FKBP1B: variants seen among roughly 807,000 people sequenced by gnomAD.
The protein encoded by FKBP1B is FKBP prolyl isomerase 1B.
Under a neutral mutation model 13.5 loss-of-function variants are expected in FKBP1B, and 4 were observed. The observed-to-expected ratio is 0.30, with a 90% CI of 0.15 to 0.68. The LOEUF (loss-of-function observed/expected upper bound fraction) is 0.68. Ranked by LOEUF, FKBP1B falls within the 30% of genes least tolerant of loss-of-function variation. FKBP1B has a pLI of 0.76. For missense variants in FKBP1B, 93 were observed against 136.2 expected (o/e 0.68, Z 1.58); for synonymous variants, 54 against 53.6 (o/e 1.01, Z -0.03).
At chr2:24,042,275 C>T in the FKBP1B span, among the ~76,000 whole-genome samples, 2 of 151,986 alleles carry the variant, frequency 1.3e-5, no homozygotes, top group Non-Finnish European at 2.9e-5. Flanking sequence ...CAGTGGCTCA[C>T]GCCTGTAATC....
chr2:24,060,936 G>A lies in FKBP1B; in HGVS notation c.198+10G>A. ...AGAGGGTGCAGCCCAGGTAGGATGAGGATTCGCATTAAAGGGGATCTGGGG... is the reference window on the plus strand; with the variant it reads ...AGAGGGTGCAGCCCAGGTAGGATGAAGATTCGCATTAAAGGGGATCTGGGG... On this transcript the variant is annotated intron_variant, in intron 3 of 3. Transcript: ENST00000380986. 2.5e-6 allele frequency: 4 copies of A among 1,603,430 alleles called. No homozygotes were observed. The highest frequency in any genetic ancestry group is 3.4e-6 in the Non-Finnish European group (4 of 1,170,438).
upstream of FKBP1B, among the ~76,000 whole-genome samples, chr2:24,048,958 G>A (rs752828479): frequency 6.6e-6 from 1 of 152,052 alleles, no homozygotes; most frequent in Non-Finnish European, 1.5e-5. Context: ...ATAAATGTGC[G>A]TCGAGCAGAA....
At position 24,063,471 on chromosome 2, in the gene FKBP1B, TCTC is replaced by T; in HGVS notation, c.*280_*282del. The stretch of plus-strand genomic sequence containing the variant: ...GCCTTTCCTGATGACAGAACACAGA[TCTC>T]TTGTTCGCACAATCTACACTGCCTT... On this transcript the variant is annotated 3_prime_UTR_variant, in exon 4 of 4. Transcript: ENST00000380986. 8.4e-6 allele frequency: 3 copies of T among 357,902 alleles called. No individual in the cohort carries two copies. Among genetic ancestry groups the T allele is most frequent in the South Asian group, 1.5e-4 (2 of 12,960 alleles). 22.2% of individuals were successfully genotyped at this position (357,902 alleles called of 1,614,324 possible). A position where few individuals can be genotyped will look rare whatever the true frequency, so the allele number is the denominator to read the frequency against.
chr2:24,051,925 T>TG (rs138730882), intron 1 of FKBP1B, among the ~76,000 whole-genome samples: 3,061 of 152,274 alleles, frequency 0.02, 113 homozygotes, highest in African/African-American at 0.07. Flanking sequence ...TCTGCCTACT[T>TG]GCAATATAAA....
chr2:24,059,522 A>T (rs79026576), intron 2 of FKBP1B, among the ~76,000 whole-genome samples: 20 of 152,234 alleles, frequency 1.3e-4, no homozygotes, highest in Non-Finnish European at 2.9e-4. Flanking sequence ...AAACCTTAGG[A>T]ACCTTATGCG....
At chr2:24,059,379 G>GC (rs1553320969) in intron 2 of FKBP1B, among the ~76,000 whole-genome samples, 45 of 151,966 alleles carry the variant, frequency 3.0e-4, no homozygotes, top group African/African-American at 9.7e-4. Context: ...ACCTGGGGGG[G>GC]GGTTCTGGTT....
chr2:24,057,839 A>G (rs538240409), intron 2 of FKBP1B, among the ~76,000 whole-genome samples: 7 of 151,992 alleles, frequency 4.6e-5, no homozygotes, highest in African/African-American at 1.7e-4. Context: ...CCTAATTTTG[A>G]TGAAGTCTGA....
chr2:24,061,002 C>T (rs766147246), intron 3 of FKBP1B, 76 bp downstream of exon 3: 87 of 1,046,418 alleles, frequency 8.3e-5, no homozygotes, highest in Non-Finnish European at 1.1e-4. Flanking sequence ...TCCACCTCCA[C>T]CTTCACCCAC....
chr2:24,054,000 G>A (rs370044499), intron 2 of FKBP1B, 51 bp downstream of exon 2: 2 of 1,564,544 alleles, frequency 1.3e-6, no homozygotes, highest in Non-Finnish European at 1.8e-6. Context: ...CCCAAGGCAG[G>A]GCTGTCCTCT....
At chr2:24,059,374 G>C (rs898596066) in intron 2 of FKBP1B, among the ~76,000 whole-genome samples, 4 of 146,036 alleles carry the variant, frequency 2.7e-5, no homozygotes, top group South Asian at 2.1e-4. Flanking sequence ...CCAGCACCTG[G>C]GGGGGGGTTC....
At chr2:24,042,339 C>A in the FKBP1B span, among the ~76,000 whole-genome samples, 1 of 151,870 alleles carries the variant, frequency 6.6e-6, no homozygotes, top group Non-Finnish European at 1.5e-5. Context: ...AGATCGAGAC[C>A]ATCCTGGCTA....
At chr2:24,051,131 C>T (rs1235184743) in intron 1 of FKBP1B, among the ~76,000 whole-genome samples, 1 of 152,160 alleles carries the variant, frequency 6.6e-6, no homozygotes, top group Admixed American at 6.5e-5. Context: ...GTCAGGAGTT[C>T]GAGACCAGCC....
At chr2:24,049,633 C>A (rs1048254841), upstream of FKBP1B, 1 of 373,710 alleles carries the variant, frequency 2.7e-6, no homozygotes, top group Non-Finnish European at 4.7e-6. Context: ...TTCCCCCGGG[C>A]CCCGCCCCGG....
chr2:24,041,139 G>C, the FKBP1B span, among the ~76,000 whole-genome samples: 5 of 152,012 alleles, frequency 3.3e-5, no homozygotes, highest in South Asian at 4.1e-4. Flanking sequence ...AGGAGTTTGA[G>C]ACCAGCCTGG....
chr2:24,049,886 G>C lies in FKBP1B; in HGVS notation c.37G>C (p.Gly13Arg). The change falls in exon 1 of 4, where the codon GGA becomes CGA. Residue 13 changes from glycine to arginine, a missense_variant and splice_region_variant. Physicochemically the swap from Gly to Arg is moderately radical, Grantham distance 125. Transcript: ENST00000380986. Reference sequence around the variant, plus strand: ...GATCGAGACCATCTCCCCCGGAGACGGTACCGGGCTCCCTCCGGAGCCAGG... The same window carrying C: ...GATCGAGACCATCTCCCCCGGAGACCGTACCGGGCTCCCTCCGGAGCCAGG... ...VEIETISPGD[G>R]RTFPKKGQTC... The C allele has an allele frequency of 7.1e-7, 1 of 1,414,392 alleles. No individual in the cohort carries two copies. The highest frequency in any genetic ancestry group is 9.2e-7 in the Non-Finnish European group (1 of 1,082,278). 87.6% of individuals were successfully genotyped at this position (1,414,392 alleles called of 1,614,324 possible).
At chr2:24,044,817 TAAAAAAA>T (rs747340836), upstream of FKBP1B, among the ~76,000 whole-genome samples, 9 of 103,928 alleles carry the variant, frequency 8.7e-5, no homozygotes, top group African/African-American at 2.9e-4. Context: ...GAATTATCTT[TAAAAAAA>T]AAAAAAAAAA....
At chr2:24,048,929 C>T (rs1211777448), upstream of FKBP1B, among the ~76,000 whole-genome samples, 1 of 152,118 alleles carries the variant, frequency 6.6e-6, no homozygotes, top group African/African-American at 2.4e-5. Flanking sequence ...ATTTCTTTGC[C>T]TTGAAAATTG....
At chr2:24,043,192 C>G in the FKBP1B span, among the ~76,000 whole-genome samples, 1 of 152,088 alleles carries the variant, frequency 6.6e-6, no homozygotes, top group African/African-American at 2.4e-5. Context: ...AAAAATTAGC[C>G]AGGAGTGATG....
At chr2:24,034,504 T>G in the FKBP1B span, among the ~76,000 whole-genome samples, 1 of 151,736 alleles carries the variant, frequency 6.6e-6, no homozygotes, top group Non-Finnish European at 1.5e-5. Context: ...CAGAGATAAC[T>G]ACTGACAACA....
Sources: gnomAD v4.1 joint callset for allele counts (sites outside exome capture counted in the v4.1 genomes callset) on GRCh38, gnomAD v4.1.1 for gene constraint, MANE v1.5 for transcripts, NCBI Gene and HGNC (gene_info 2026-07-23, HGNC 2026-07-21) for gene names.